KLHL29: variants seen among roughly 807,000 people sequenced by gnomAD.
KLHL29 encodes kelch like family member 29, also known as kelch-like protein 29.
Under a neutral mutation model 80.4 loss-of-function variants are expected in KLHL29, and 21 were observed. That is an observed-to-expected ratio of 0.26 (90% CI 0.19 to 0.38). The LOEUF (loss-of-function observed/expected upper bound fraction) is 0.38, where lower values mean the gene tolerates loss of function less well. Ranked by LOEUF, KLHL29 falls within the 10% of genes least tolerant of loss-of-function variation. The pLI, the probability that KLHL29 is intolerant of heterozygous loss-of-function variation, is 1.00. For synonymous variants in KLHL29, 511 were observed against 526.8 expected, an observed-to-expected ratio of 0.97 and a Z score of 0.41; for missense variants, 867 against 1,223.9, an observed-to-expected ratio of 0.71 and a Z score of 4.35.
chr2:23,441,081 C>A (rs957131154), intron 1 of KLHL29, among the ~76,000 whole-genome samples: 3 of 152,010 alleles, frequency 2.0e-5, no homozygotes, highest in African/African-American at 4.8e-5. Flanking sequence ...AACCAACCCA[C>A]ATGTCCAACA....
chr2:23,649,720 G>A lies in KLHL29; in HGVS notation c.940+6870G>A, dbSNP rs147253185. On this transcript the variant is annotated intron_variant, in intron 5 of 13. Coordinates refer to ENST00000486442, the MANE Select transcript of KLHL29 (RefSeq NM_052920.2). ...TGACAGGGCCAGAGGTCCCGCTGCC[G>A]ATGGGGATGAGAGGGCTGTTCAGAC... is the stretch of plus-strand genomic sequence containing the variant. Among the ~76,000 whole-genome samples, 28 of 152,368 alleles carry A rather than the reference G, an allele frequency of 1.8e-4. No individual in the cohort carries two copies. The East Asian group carries it at 2.7e-3, about 15-fold the overall frequency.
intron 5 of KLHL29, among the ~76,000 whole-genome samples, chr2:23,660,516 G>A (rs779219335): frequency 6.6e-6 from 1 of 152,252 alleles, no homozygotes; most frequent in African/African-American, 2.4e-5. Flanking sequence ...GAGGCCTGAG[G>A]AGGCAGGAGA....
At chr2:23,602,116 A>G (rs1270900510) in intron 3 of KLHL29, among the ~76,000 whole-genome samples, 3 of 152,184 alleles carry the variant, frequency 2.0e-5, no homozygotes, top group East Asian at 3.9e-4. Context: ...CCCCTGTGCC[A>G]TGACGAGCAC....
chr2:23,555,971 C>G (rs948247451), intron 2 of KLHL29, among the ~76,000 whole-genome samples: 1 of 152,206 alleles, frequency 6.6e-6, no homozygotes, highest in African/African-American at 2.4e-5. Flanking sequence ...GAGACGCCAG[C>G]ATGTGGCTCT....
At chr2:23,534,782 G>T (rs942480330) in intron 2 of KLHL29, among the ~76,000 whole-genome samples, 3 of 152,202 alleles carry the variant, frequency 2.0e-5, no homozygotes, top group African/African-American at 7.2e-5. Context: ...TACTGTGGGT[G>T]ACTAGTCAAC....
rs1671031390 is a variant in KLHL29 at position 23,680,025 on chromosome 2, G to GCTGC, written c.941-4372_941-4369dup. 6.6e-6 allele frequency among the ~76,000 whole-genome samples: 1 copy of GCTGC among 152,208 alleles called. No individual in the cohort carries two copies. Among genetic ancestry groups the GCTGC allele is most frequent in the Non-Finnish European group, 1.5e-5 (1 of 68,036 alleles). On this transcript the variant is annotated intron_variant, in intron 5 of 13. Transcript: ENST00000486442. This position sits in a 1 kb window ranked among gnomAD's most constrained non-coding sequence, Gnocchi z 4.1. ...ACGGGGAGACCTCCCAGAGGGCTGT[G>GCTGC]CTGCCCCTTCAGCCCCGAAGGATTT...
At chr2:23,480,273 G>A (rs981763960) in intron 2 of KLHL29, among the ~76,000 whole-genome samples, 3 of 152,186 alleles carry the variant, frequency 2.0e-5, no homozygotes, top group Non-Finnish European at 2.9e-5. Flanking sequence ...GATCACTTGA[G>A]GCCAGGAGTT....
At chr2:23,436,280 T>TTG (rs57931176) in intron 1 of KLHL29, among the ~76,000 whole-genome samples, 9,288 of 136,872 alleles carry the variant, frequency 0.068, 335 homozygotes, top group South Asian at 0.13. Flanking sequence ...CCAATCAGCT[T>TTG]TGTGTGTGTG....
chr2:23,438,041 G>T (rs1254150677), intron 1 of KLHL29, among the ~76,000 whole-genome samples: 4 of 151,608 alleles, frequency 2.6e-5, no homozygotes, highest in Non-Finnish European at 5.9e-5. Context: ...TTGTAAGTTG[G>T]ATTCCTAAGT....
chr2:23,589,595 A>G (rs1232235541), intron 3 of KLHL29, among the ~76,000 whole-genome samples: 1 of 152,230 alleles, frequency 6.6e-6, no homozygotes, highest in Admixed American at 6.5e-5. Context: ...CCAGGACCCC[A>G]GAGAAGATCT....
chr2:23,414,710 A>T (rs867551874), intron 1 of KLHL29, among the ~76,000 whole-genome samples: 34 of 152,226 alleles, frequency 2.2e-4, no homozygotes, highest in African/African-American at 8.2e-4. Context: ...GGGGGAAGCC[A>T]CATAGCATAG....
chr2:23,420,656 A>G (rs1037125983), intron 1 of KLHL29, among the ~76,000 whole-genome samples: 2 of 152,136 alleles, frequency 1.3e-5, no homozygotes, highest in African/African-American at 4.8e-5. Context: ...CCCCTGCCCC[A>G]CCTGCCAGAG....
At chr2:23,679,287 G>C (rs1487793465) in intron 5 of KLHL29, among the ~76,000 whole-genome samples, 2 of 152,228 alleles carry the variant, frequency 1.3e-5, no homozygotes, top group Non-Finnish European at 2.9e-5. Flanking sequence ...AGCCAATCTA[G>C]GTCAGGCCTG....
chr2:23,562,090 C>A lies in KLHL29; in HGVS notation c.-45-62C>A. 1 of 1,298,848 alleles carries A rather than the reference C, an allele frequency of 7.7e-7. No individual in the cohort carries two copies. The highest frequency in any genetic ancestry group is 1.1e-6 in the Non-Finnish European group (1 of 939,978). The allele number at this position is 1,298,848 out of a possible 1,614,324, so 80.5% of individuals were successfully genotyped here. A position where few individuals can be genotyped will look rare whatever the true frequency, so the allele number is the denominator to read the frequency against. ...ACCCAGAGAAGGGGCTTCATGGATGCTGTCAGTTGTCGCTGCCTGCTCCAG... is the reference window on the plus strand; with the variant it reads ...ACCCAGAGAAGGGGCTTCATGGATGATGTCAGTTGTCGCTGCCTGCTCCAG... On this transcript the variant is annotated intron_variant, in intron 2 of 13. Coordinates refer to ENST00000486442, the MANE Select transcript of KLHL29 (RefSeq NM_052920.2). The surrounding 1 kb of genome is among the most constrained non-coding windows in gnomAD (Gnocchi z 4.5).
intron 2 of KLHL29, among the ~76,000 whole-genome samples, chr2:23,479,136 C>T (rs1348729215): frequency 6.6e-6 from 1 of 151,686 alleles, no homozygotes; most frequent in African/African-American, 2.4e-5. Flanking sequence ...GCCCCCTTGT[C>T]TTCTGACTGT....
At chr2:23,468,247 A>C (rs577968709) in intron 1 of KLHL29, among the ~76,000 whole-genome samples, 1 of 152,112 alleles carries the variant, frequency 6.6e-6, no homozygotes, top group South Asian at 2.1e-4. Flanking sequence ...GCTCCCTCAG[A>C]TTATAAATCT....
intron 2 of KLHL29, among the ~76,000 whole-genome samples, chr2:23,509,922 A>T (rs1665718236): frequency 1.3e-5 from 2 of 152,194 alleles, no homozygotes; most frequent in Admixed American, 1.3e-4. Flanking sequence ...TGGCGAGTAC[A>T]AGTCAATTAA....
chr2:23,519,282 T>G (rs1666027609), intron 2 of KLHL29, among the ~76,000 whole-genome samples: 1 of 152,108 alleles, frequency 6.6e-6, no homozygotes, highest in Admixed American at 6.5e-5. Flanking sequence ...AGCTCCTATG[T>G]TGTCAGCCTT....
chr2:23,645,453 A>G (rs1669897091), intron 5 of KLHL29, among the ~76,000 whole-genome samples: 1 of 152,056 alleles, frequency 6.6e-6, no homozygotes, highest in Admixed American at 6.5e-5. Flanking sequence ...TCAGAACTCC[A>G]CTTTAGAAAA....
Sources: gnomAD v4.1 joint callset for allele counts (sites outside exome capture counted in the v4.1 genomes callset) on GRCh38, gnomAD v4.1.1 for gene constraint, Gnocchi (gnomAD v3.1) non-coding constraint, MANE v1.5 for transcripts, NCBI Gene and HGNC (gene_info 2026-07-23, HGNC 2026-07-21) for gene names.